DLGAP2: variants seen among roughly 807,000 people sequenced by gnomAD.
The protein encoded by DLGAP2 is DLG associated protein 2, also known as disks large-associated protein 2.
DLGAP2 carries 26 observed loss-of-function variants against 100.3 expected under a neutral mutation model. The ratio of observed to expected loss-of-function variants is 0.26; its 90% confidence interval spans 0.19 to 0.36. The LOEUF is 0.36. Ranked by LOEUF, DLGAP2 falls within the 10% of genes least tolerant of loss-of-function variation. The pLI is 1.00. For synonymous variants in DLGAP2, 886 were observed against 630.1 expected, an observed-to-expected ratio of 1.41 and a Z score of -6.08; for missense variants, 1,858 against 1,453.2, an observed-to-expected ratio of 1.28 and a Z score of -4.53.
At chr8:868,072 C>G (rs888009945) in intron 1 of DLGAP2, among the ~76,000 whole-genome samples, 10 of 152,128 alleles carry the variant, frequency 6.6e-5, no homozygotes, top group African/African-American at 2.2e-4. Context: ...TGTCAGTTTT[C>G]AAAATGGTTA....
At chr8:1,106,950 C>T (rs561057976) in intron 2 of DLGAP2, among the ~76,000 whole-genome samples, 15 of 152,186 alleles carry the variant, frequency 9.9e-5, no homozygotes, top group Non-Finnish European at 1.9e-4. Context: ...ACATCTCAGA[C>T]GTATTTTCTT....
chr8:1,090,324 T>G (rs1324689060), intron 2 of DLGAP2, among the ~76,000 whole-genome samples: 1 of 132,780 alleles, frequency 7.5e-6, no homozygotes, highest in East Asian at 2.0e-4. Context: ...ACCGAGGACC[T>G]GCTCCATGTC....
intron 1 of DLGAP2, among the ~76,000 whole-genome samples, chr8:772,754 C>T (rs538909702): frequency 1.2e-4 from 19 of 152,320 alleles, no homozygotes; most frequent in African/African-American, 4.6e-4. Context: ...GGGGTCATGG[C>T]GCCCTGGCTC....
chr8:945,508 C>T (rs961270081), intron 2 of DLGAP2, among the ~76,000 whole-genome samples: 3 of 152,170 alleles, frequency 2.0e-5, no homozygotes, highest in African/African-American at 4.8e-5. Context: ...TGAGGCTGAG[C>T]CCCGGACAAG....
intron 4 of DLGAP2, among the ~76,000 whole-genome samples, chr8:1,536,091 C>G (rs1185258799): frequency 6.6e-6 from 1 of 152,156 alleles, no homozygotes; most frequent in Non-Finnish European, 1.5e-5. Flanking sequence ...ACAGTCAACT[C>G]GGTGTAGCAG....
At chr8:1,027,766 G>C (rs1204308401) in intron 2 of DLGAP2, among the ~76,000 whole-genome samples, 1 of 127,838 alleles carries the variant, frequency 7.8e-6, no homozygotes. Flanking sequence ...TCTCCAGGTG[G>C]GGTGTCAGGC....
intron 6 of DLGAP2, among the ~76,000 whole-genome samples, chr8:1,617,341 C>T (rs1797188745): frequency 6.6e-6 from 1 of 152,220 alleles, no homozygotes; most frequent in Non-Finnish European, 1.5e-5. Flanking sequence ...TATGCTCCCA[C>T]CAGCAGTGTA....
intron 2 of DLGAP2, among the ~76,000 whole-genome samples, chr8:1,227,877 A>G (rs559042299): frequency 6.6e-6 from 1 of 152,164 alleles, no homozygotes; most frequent in Non-Finnish European, 1.5e-5. Flanking sequence ...GGAATTATTT[A>G]TTGCTAAATT....
intron 12 of DLGAP2, among the ~76,000 whole-genome samples, chr8:1,683,995 T>TATATATATATAC (rs1563061391): frequency 7.7e-6 from 1 of 130,272 alleles, no homozygotes; most frequent in Admixed American, 7.9e-5. Context: ...TATACTTTTT[T>TATATATATATAC]TTTTAAGACG....
chr8:1,128,002 T>C (rs1320257128), intron 2 of DLGAP2, among the ~76,000 whole-genome samples: 1 of 152,214 alleles, frequency 6.6e-6, no homozygotes, highest in Admixed American at 6.5e-5. Flanking sequence ...AACCAGGCTT[T>C]TTAGGTTTAC....
At position 1,562,480 on chromosome 8, in the gene DLGAP2, G is replaced by C. The variant is rs145917424; in HGVS notation, c.1231-3203G>C. The stretch of plus-strand genomic sequence containing the variant: ...CGGGACTGTGTGTTGTTGGGGTGTC[G>C]GCGCCTCGTTACTGGGGGACTGTGT... On this transcript the variant is annotated intron_variant, in intron 5 of 14. Transcript: ENST00000637795. Among the ~76,000 whole-genome samples, 299 of 30,976 alleles carry C rather than the reference G, an allele frequency of 9.7e-3. 8 individuals are homozygous for C. The highest frequency in any genetic ancestry group is 0.045 in the Middle Eastern group (1 of 22). 20.3% of individuals were successfully genotyped at this position (30,976 alleles called of 152,430 possible).
At position 881,459 on chromosome 8, in the gene DLGAP2, A is replaced by G. The variant is rs1427613617; in HGVS notation, c.19-26453A>G. On this transcript the variant is annotated intron_variant, in intron 1 of 14. Transcript: ENST00000637795. Reference sequence around the variant, plus strand: ...CCAATAGAAATAAATGCAAAAGAACATTTATTTTCTCATCCTCTCCTTACC... The same window carrying G: ...CCAATAGAAATAAATGCAAAAGAACGTTTATTTTCTCATCCTCTCCTTACC... Among the ~76,000 whole-genome samples the G allele has an allele frequency of 4.7e-5, 7 of 149,756 alleles. 1 individual carries two copies. Among genetic ancestry groups the G allele is most frequent in the Admixed American group, 4.7e-4 (7 of 15,024 alleles).
At chr8:786,342 G>C (rs1251533436) in intron 1 of DLGAP2, among the ~76,000 whole-genome samples, 1 of 152,140 alleles carries the variant, frequency 6.6e-6, no homozygotes, top group African/African-American at 2.4e-5. Flanking sequence ...CACTTCTCGC[G>C]GCCGAGACAC....
At chr8:1,162,101 G>C (rs909919682) in intron 2 of DLGAP2, among the ~76,000 whole-genome samples, 5 of 152,200 alleles carry the variant, frequency 3.3e-5, no homozygotes, top group Non-Finnish European at 5.9e-5. Context: ...ATTAATGCCC[G>C]TAAGCCCGTG....
At chr8:1,074,220 G>C (rs1237211160) in intron 2 of DLGAP2, among the ~76,000 whole-genome samples, 2 of 149,926 alleles carry the variant, frequency 1.3e-5, no homozygotes, top group Admixed American at 1.3e-4. Flanking sequence ...AACTCACCCA[G>C]GTACATATTC....
At chr8:740,578 G>A (rs968857761) in intron 1 of DLGAP2, among the ~76,000 whole-genome samples, 1 of 152,140 alleles carries the variant, frequency 6.6e-6, no homozygotes, top group African/African-American at 2.4e-5. Flanking sequence ...GCAAAAATAG[G>A]CTTCGTGGAA....
At chr8:1,127,770 C>A (rs73526559) in intron 2 of DLGAP2, among the ~76,000 whole-genome samples, 13,980 of 152,172 alleles carry the variant, frequency 0.092, 680 homozygotes, top group African/African-American at 0.13. Context: ...TTAACTACGC[C>A]CGTTCTGTTG....
intron 2 of DLGAP2, among the ~76,000 whole-genome samples, chr8:1,038,189 G>A (rs981433625): frequency 1.3e-5 from 2 of 152,238 alleles, no homozygotes; most frequent in Non-Finnish European, 2.9e-5. Flanking sequence ...CTGTGCTAAC[G>A]CAGTCAGTGT....
intron 3 of DLGAP2, among the ~76,000 whole-genome samples, chr8:1,352,618 A>T (rs565714196): frequency 4.5e-4 from 68 of 152,140 alleles, no homozygotes; most frequent in Non-Finnish European, 8.8e-4. Context: ...AAGTTGGCCC[A>T]TTTCTCTGAA....
Sources: allele counts gnomAD v4.1 joint callset (sites outside exome capture counted in the v4.1 genomes callset), GRCh38; gene constraint gnomAD v4.1.1; transcripts MANE v1.5; gene names NCBI Gene and HGNC (gene_info 2026-07-23, HGNC 2026-07-21).